The following MKLN1 variants were observed in gnomAD, a reference collection of about 807,000 sequenced individuals.
The protein encoded by MKLN1 is muskelin 1, also known as muskelin.
A neutral mutation model predicts 99.0 loss-of-function variants in MKLN1; 18 were observed. That is an observed-to-expected ratio of 0.18 (90% CI 0.13 to 0.27). MKLN1 has a LOEUF of 0.27. Ranked by LOEUF, MKLN1 falls within the 10% of genes least tolerant of loss-of-function variation. The probability of loss-of-function intolerance (pLI) is 1.00; values close to 1 mark genes in which losing one functional copy is unlikely to be tolerated. For missense variants in MKLN1, 621 were observed against 875.9 expected (o/e 0.71, Z 3.67); for synonymous variants, 288 against 293.2 (o/e 0.98, Z 0.18).
intron 3 of MKLN1, among the ~76,000 whole-genome samples, chr7:131,309,521 G>C (rs1043382098): frequency 2.6e-5 from 4 of 151,720 alleles, no homozygotes; most frequent in Non-Finnish European, 5.9e-5. Flanking sequence ...GAAGTCTTGA[G>C]TCTGCCTCAG....
intron 1 of MKLN1, among the ~76,000 whole-genome samples, chr7:131,331,105 G>T (rs6947834): frequency 0.53 from 80,749 of 151,992 alleles, 22,711 homozygotes; most frequent in African/African-American, 0.72. Flanking sequence ...TTACAATTTA[G>T]TGAGCACCTA....
intron 2 of MKLN1, among the ~76,000 whole-genome samples, chr7:131,376,937 T>C (rs1793683384): frequency 1.3e-5 from 2 of 152,176 alleles, no homozygotes; most frequent in Middle Eastern, 6.3e-3. Flanking sequence ...CAGTCATTTA[T>C]AAATTTTCTG....
intron 3 of MKLN1, among the ~76,000 whole-genome samples, chr7:131,321,401 CATT>C (rs1214332321): frequency 6.6e-6 from 1 of 151,976 alleles, no homozygotes; most frequent in Non-Finnish European, 1.5e-5. Context: ...ACAAGAAGAA[CATT>C]AAACACCGGG....
intron 1 of MKLN1, among the ~76,000 whole-genome samples, chr7:131,337,437 T>C (rs1799281291): frequency 6.6e-6 from 1 of 152,174 alleles, no homozygotes; most frequent in Non-Finnish European, 1.5e-5. Context: ...AGTTTTTACT[T>C]GACTGTATTT....
At chr7:131,403,077 A>T (rs1276333706) in intron 6 of MKLN1, among the ~76,000 whole-genome samples, 1 of 152,168 alleles carries the variant, frequency 6.6e-6, no homozygotes, top group Non-Finnish European at 1.5e-5. Context: ...CCTTCTTCCA[A>T]TAGAAGTCTA....
intron 3 of MKLN1, among the ~76,000 whole-genome samples, chr7:131,287,421 A>G (rs1213783346): frequency 1.3e-5 from 2 of 152,152 alleles, no homozygotes; most frequent in African/African-American, 2.4e-5. Flanking sequence ...TGGGGGCCCC[A>G]GGCCTTCCTT....
intron 8 of MKLN1, among the ~76,000 whole-genome samples, chr7:131,420,025 G>A (rs1304837105): frequency 6.6e-6 from 1 of 152,154 alleles, no homozygotes; most frequent in African/African-American, 2.4e-5. Flanking sequence ...TACTAGAATG[G>A]TAGTAGTAAT....
At chr7:131,190,751 G>A (rs375207452) in intron 2 of MKLN1, among the ~76,000 whole-genome samples, 1 of 152,124 alleles carries the variant, frequency 6.6e-6, no homozygotes, top group South Asian at 2.1e-4. Context: ...AAGACCCACT[G>A]GTTGGGAATT....
At chr7:131,341,200 A>T (rs1217329531) in intron 1 of MKLN1, among the ~76,000 whole-genome samples, 3 of 151,224 alleles carry the variant, frequency 2.0e-5, no homozygotes, top group Non-Finnish European at 2.9e-5. Flanking sequence ...TGTTTTTGAG[A>T]TGTAATTTAT....
intron 1 of MKLN1, among the ~76,000 whole-genome samples, chr7:131,342,140 G>A (rs1438650319): frequency 6.6e-6 from 1 of 151,240 alleles, no homozygotes; most frequent in Non-Finnish European, 1.5e-5. Flanking sequence ...TGGAGAAACT[G>A]CCAGATTTTT....
intron 3 of MKLN1, among the ~76,000 whole-genome samples, chr7:131,223,295 G>A (rs1161579788): frequency 1.3e-5 from 2 of 152,160 alleles, no homozygotes; most frequent in East Asian, 1.9e-4. Flanking sequence ...TAGCAAACTG[G>A]TCTGGAGACA....
chr7:131,298,098 C>T (rs1169629025), intron 3 of MKLN1, among the ~76,000 whole-genome samples: 2 of 151,826 alleles, frequency 1.3e-5, no homozygotes, highest in Non-Finnish European at 2.9e-5. Flanking sequence ...GGTGAAACCC[C>T]GTCTCTACTA....
intron 2 of MKLN1, among the ~76,000 whole-genome samples, chr7:131,190,907 C>T (rs1241465479): frequency 1.3e-5 from 2 of 152,174 alleles, no homozygotes; most frequent in African/African-American, 4.8e-5. Context: ...GTCTGTTAGA[C>T]CACTGCTATT....
intron 10 of MKLN1, among the ~76,000 whole-genome samples, chr7:131,442,548 G>C (rs1274220922): frequency 6.6e-6 from 1 of 151,114 alleles, no homozygotes; most frequent in East Asian, 1.9e-4. Flanking sequence ...ATTCTGTCTA[G>C]GAAAAAAAAA....
At chr7:131,371,146 A>G (rs1793439912) in intron 1 of MKLN1, among the ~76,000 whole-genome samples, 1 of 152,014 alleles carries the variant, frequency 6.6e-6, no homozygotes. Flanking sequence ...TCATATCATT[A>G]TCAGATATTT....
chr7:131,341,085 A>G (rs183161543), intron 1 of MKLN1, among the ~76,000 whole-genome samples: 216 of 152,180 alleles, frequency 1.4e-3, no homozygotes, highest in African/African-American at 5.1e-3. Flanking sequence ...AGTTTTTAAT[A>G]GTTTTTGAGT....
intron 1 of MKLN1, among the ~76,000 whole-genome samples, chr7:131,328,824 TTGG>T (rs1185418288): frequency 6.6e-6 from 1 of 152,194 alleles, no homozygotes; most frequent in Non-Finnish European, 1.5e-5. Context: ...TAGGTTTTTG[TTGG>T]TGGTGTTTTT....
In MKLN1 at chr7:131,491,303, G is replaced by C. The variant is rs1392240229; in HGVS notation, c.*3575G>C. On this transcript the variant is annotated 3_prime_UTR_variant, in exon 18 of 18. Coordinates refer to ENST00000352689, the MANE Select transcript of MKLN1 (RefSeq NM_013255.5). ...ATCTCATCCCTTTGTAGAAATTCTT[G>C]CCTGAATTCTCACCAAGTTTTGAAT... The C allele has an allele frequency of 6.6e-6, 1 of 151,396 alleles. No individual in the cohort carries two copies. Among genetic ancestry groups the C allele is most frequent in the Non-Finnish European group, 1.5e-5 (1 of 67,906 alleles). 9.4% of individuals were successfully genotyped at this position (151,396 alleles called of 1,614,324 possible).
At chr7:131,231,132 A>AAC in intron 3 of MKLN1, among the ~76,000 whole-genome samples, 1 of 151,440 alleles carries the variant, frequency 6.6e-6, no homozygotes, top group East Asian at 1.9e-4. Flanking sequence ...AAAAAAAAAA[A>AAC]AAAAAAAAAA....
Sources: allele counts gnomAD v4.1 joint callset (sites outside exome capture counted in the v4.1 genomes callset), GRCh38; gene constraint gnomAD v4.1.1; transcripts MANE v1.5; gene names NCBI Gene and HGNC (gene_info 2026-07-23, HGNC 2026-07-21).